ACTR6: variants seen among roughly 807,000 people sequenced by gnomAD.
ACTR6 encodes actin-related protein 6.
A neutral mutation model predicts 52.5 loss-of-function variants in ACTR6; 50 were observed. The ratio of observed to expected loss-of-function variants is 0.95; its 90% CI spans 0.76 to 1.20. ACTR6 has a LOEUF of 1.20. ACTR6 is among the 50% of genes most tolerant of loss of function. The pLI, the probability that ACTR6 is intolerant of heterozygous loss-of-function variation, is 0.00. For missense variants in ACTR6, 344 were observed against 472.4 expected, an observed-to-expected ratio of 0.73 and a Z score of 2.52; for synonymous variants, 135 against 147.2, an observed-to-expected ratio of 0.92 and a Z score of 0.60.
At chr12:100,217,804 T>C (rs112598758) in intron 8 of ACTR6, among the ~76,000 whole-genome samples, 5,813 of 152,160 alleles carry the variant, frequency 0.038, 154 homozygotes, top group South Asian at 0.073. Context: ...AAAGGGGGAA[T>C]CCTAATAGAA....
chr12:100,223,870 C>T lies in ACTR6; in HGVS notation c.1146C>T (p.Tyr382=), dbSNP rs372864804. 103 of 1,610,246 alleles carry T rather than the reference C, an allele frequency of 6.4e-5. No individual in the cohort carries two copies. The highest frequency in any genetic ancestry group is 2.7e-4 in the Admixed American group (16 of 59,222). ...ATATGGTGGTAACAAGAGAAGATTA[C>T]GAAGAAAATGGACATAGCGTCTGTG... The part of the protein sequence containing the change: ...FEDMVVTRED[Y]EENGHSVCEE... Residue 382 remains tyrosine, a synonymous_variant, in exon 11 of 11, where the codon TAC becomes TAT. Coordinates refer to ENST00000188312, the MANE Select transcript of ACTR6 (RefSeq NM_022496.5).
rs745497175 is a variant in ACTR6 at position 100,200,928 on chromosome 12, T to C, written c.68+9T>C. ...AGCCATGAAAATGTGTCGTAAGTACTTTCTTTCTCCGAGGGACAAGATATA... is the reference window on the plus strand; with the variant it reads ...AGCCATGAAAATGTGTCGTAAGTACCTTCTTTCTCCGAGGGACAAGATATA... On this transcript the variant is annotated intron_variant, in intron 1 of 10. Transcript: ENST00000188312. The C allele has an allele frequency of 1.9e-6, 3 of 1,614,108 alleles. No individual in the cohort carries two copies. In the Admixed American group the frequency reaches 5.0e-5, roughly 27 times the overall value.
At chr12:100,223,546 C>T (rs1461113393) in intron 10 of ACTR6, among the ~76,000 whole-genome samples, 1 of 152,140 alleles carries the variant, frequency 6.6e-6, no homozygotes, top group East Asian at 1.9e-4. Context: ...GAAAAAGGAA[C>T]ATTTACTATT....
In ACTR6 at chr12:100,212,251, G is replaced by A. The variant is rs775942188; in HGVS notation, c.573-5G>A. 4 of 1,558,570 alleles carry A rather than the reference G, an allele frequency of 2.6e-6. No individual in the cohort carries two copies. Among genetic ancestry groups the A allele is most frequent in the Non-Finnish European group, 3.5e-6 (4 of 1,152,676 alleles). ...TTCAAATTTTACAACTTTTATTTCT[G>A]TTAGGCAGCTACATGTTATGGATGA... is the stretch of plus-strand genomic sequence containing the variant. On this transcript the variant is annotated splice_polypyrimidine_tract_variant and splice_region_variant and intron_variant, in intron 6 of 10. Coordinates refer to ENST00000188312, the MANE Select transcript of ACTR6 (RefSeq NM_022496.5).
chr12:100,203,165 C>T (rs1478284007), intron 1 of ACTR6, among the ~76,000 whole-genome samples: 1 of 152,190 alleles, frequency 6.6e-6, no homozygotes, highest in African/African-American at 2.4e-5. Context: ...CCTCCTTCCC[C>T]ACCCTGGTGC....
intron 10 of ACTR6, among the ~76,000 whole-genome samples, chr12:100,222,184 A>G (rs1592851025): frequency 6.8e-6 from 1 of 147,792 alleles, no homozygotes; most frequent in South Asian, 2.1e-4. Context: ...CAAACTCCTG[A>G]CCTTGTGATC....
intron 9 of ACTR6, among the ~76,000 whole-genome samples, chr12:100,219,648 C>T (rs2096126536): frequency 6.6e-6 from 1 of 152,136 alleles, no homozygotes; most frequent in Non-Finnish European, 1.5e-5. Flanking sequence ...GCAAGAACCA[C>T]CCCCCTTCCA....
intron 6 of ACTR6, among the ~76,000 whole-genome samples, 156 bp from the exon 7 acceptor site, chr12:100,212,100 A>G (rs530533736): frequency 6.6e-6 from 1 of 152,376 alleles, no homozygotes; most frequent in East Asian, 1.9e-4. Flanking sequence ...TGGAAGTGAC[A>G]GTATTCCATA....
At chr12:100,212,840 C>T (rs952550940) in intron 8 of ACTR6, among the ~76,000 whole-genome samples, 1 of 151,606 alleles carries the variant, frequency 6.6e-6, no homozygotes, top group African/African-American at 2.4e-5. Flanking sequence ...CCCGTCTCTA[C>T]TAAAAATACA....
At chr12:100,203,167 C>A (rs79782851) in intron 1 of ACTR6, among the ~76,000 whole-genome samples, 2,524 of 152,252 alleles carry the variant, frequency 0.017, 66 homozygotes, top group African/African-American at 0.058. Flanking sequence ...TCCTTCCCCA[C>A]CCTGGTGCTC....
At chr12:100,205,499 A>G in intron 2 of ACTR6, 177 bp from the exon 3 acceptor site, 1 of 383,142 alleles carries the variant, frequency 2.6e-6, no homozygotes, top group Non-Finnish European at 4.6e-6. Context: ...TAATAAAAAA[A>G]TTTTTTTTTA....
At chr12:100,201,507 A>T (rs941717045) in intron 1 of ACTR6, among the ~76,000 whole-genome samples, 1 of 152,222 alleles carries the variant, frequency 6.6e-6, no homozygotes, top group African/African-American at 2.4e-5. Flanking sequence ...TCCTTTATCA[A>T]ATTAACAGAG....
intron 8 of ACTR6, among the ~76,000 whole-genome samples, chr12:100,213,890 A>G (rs1012492837): frequency 2.0e-5 from 3 of 152,236 alleles, no homozygotes; most frequent in African/African-American, 7.2e-5. Flanking sequence ...ACATAAGCAC[A>G]TTTGGGCAAG....
At chr12:100,219,877 T>C (rs985328424) in intron 9 of ACTR6, 131 bp from the exon 10 acceptor site, 3 of 847,668 alleles carry the variant, frequency 3.5e-6, no homozygotes, top group Non-Finnish European at 1.8e-6. Context: ...CCTGAAAATT[T>C]ATTTGGTTTC....
intron 3 of ACTR6, 122 bp downstream of exon 3, chr12:100,205,866 A>G: frequency 1.9e-6 from 1 of 522,788 alleles, no homozygotes. Context: ...TAAAATAAAT[A>G]ATAAATGCAA....
intron 6 of ACTR6, 64 bp downstream of exon 6, chr12:100,210,415 T>A: frequency 6.6e-7 from 1 of 1,511,776 alleles, no homozygotes; most frequent in South Asian, 1.2e-5. Context: ...TACAGTAATT[T>A]AAGATTATTC....
At chr12:100,205,206 A>AC in intron 2 of ACTR6, 149 bp downstream of exon 2, 37 of 468,448 alleles carry the variant, frequency 7.9e-5, no homozygotes, top group East Asian at 1.5e-4. Flanking sequence ...GGTAAAAATA[A>AC]ACGACCATGA....
At chr12:100,205,435 A>G (rs2096113652) in intron 2 of ACTR6, 1 of 316,642 alleles carries the variant, frequency 3.2e-6, no homozygotes, top group Non-Finnish European at 5.6e-6. Context: ...ATACAGCAGT[A>G]TACCTATGTA....
intron 8 of ACTR6, among the ~76,000 whole-genome samples, chr12:100,217,984 C>G (rs532545562): frequency 8.9e-4 from 135 of 152,104 alleles, no homozygotes; most frequent in Admixed American, 1.8e-3. Context: ...GTCTCTCCTC[C>G]TTTTTTTCTT....
Sources: allele counts gnomAD v4.1 joint callset (sites outside exome capture counted in the v4.1 genomes callset), GRCh38; gene constraint gnomAD v4.1.1; transcripts MANE v1.5; gene names NCBI Gene and HGNC (gene_info 2026-07-23, HGNC 2026-07-21).